ANKRD28: variants seen among roughly 807,000 people sequenced by gnomAD.
ANKRD28 encodes serine/threonine-protein phosphatase 6 regulatory ankyrin repeat subunit A.
Under a neutral mutation model 126.5 loss-of-function variants are expected in ANKRD28, and 44 were observed. That is an observed-to-expected ratio of 0.35 (90% CI 0.27 to 0.45). The LOEUF (loss-of-function observed/expected upper bound fraction) is 0.45, where lower values mean the gene tolerates loss of function less well. ANKRD28 is among the 20% of genes least tolerant of loss of function. ANKRD28 has a pLI of 1.00. For missense variants in ANKRD28, 1,110 were observed against 1,316.6 expected (o/e 0.84, Z 2.43); for synonymous variants, 442 against 468.5 (o/e 0.94, Z 0.73).
At chr3:15,795,577 C>T (rs1033554796) in intron 1 of ANKRD28, among the ~76,000 whole-genome samples, 2 of 152,006 alleles carry the variant, frequency 1.3e-5, no homozygotes, top group African/African-American at 4.8e-5. Context: ...TAAGTAGAAG[C>T]CTTTTGTTTC....
rs892682749 is a variant in ANKRD28 at position 15,669,028 on chromosome 3, C to G, written c.*1242G>C. On this transcript the variant is annotated 3_prime_UTR_variant, in exon 28 of 28. Coordinates refer to ENST00000683139, the MANE Select transcript of ANKRD28 (RefSeq NM_001349278.2). ...ATATCAGCCTTCTCTCTCTCTTTTG[C>G]TATTTGAAAGGTAGTCTTCAATTTG... 5.2e-5 allele frequency: 8 copies of G among 152,508 alleles called. No individual in the cohort carries two copies. The highest frequency in any genetic ancestry group is 1.7e-4 in the African/African-American group (7 of 41,434). 9.4% of individuals were successfully genotyped at this position (152,508 alleles called of 1,614,324 possible).
intron 1 of ANKRD28, among the ~76,000 whole-genome samples, chr3:15,824,727 G>C (rs888082863): frequency 3.3e-5 from 5 of 152,224 alleles, no homozygotes; most frequent in Non-Finnish European, 5.9e-5. Flanking sequence ...TTGGTGTGCT[G>C]AGTGTGTGCA....
chr3:15,695,261 T>C lies in ANKRD28; in HGVS notation c.1660-47A>G, dbSNP rs368951171. The stretch of plus-strand genomic sequence containing the variant: ...AAATATTTAGCTTGGGAAGTATTCA[T>C]CTATATTAAGTCTCAACTTATATAG... On this transcript the variant is annotated intron_variant, in intron 15 of 27. Transcript: ENST00000683139. 9.7e-5 allele frequency: 136 copies of C among 1,396,106 alleles called. No homozygotes were observed. In the African/African-American group the frequency reaches 1.7e-3, roughly 18 times the overall value. 86.5% of individuals were successfully genotyped at this position (1,396,106 alleles called of 1,614,324 possible).
intron 27 of ANKRD28, among the ~76,000 whole-genome samples, chr3:15,674,137 A>G (rs571330678): frequency 1.0e-4 from 13 of 128,366 alleles, no homozygotes; most frequent in Non-Finnish European, 1.7e-4. Context: ...TCACCACTGT[A>G]CTCTAGTCTG....
At chr3:15,822,098 C>T (rs929852651) in intron 1 of ANKRD28, among the ~76,000 whole-genome samples, 10 of 152,164 alleles carry the variant, frequency 6.6e-5, no homozygotes, top group Non-Finnish European at 1.3e-4. Flanking sequence ...AGGCCACATG[C>T]GTGTCCAGGA....
intron 2 of ANKRD28, among the ~76,000 whole-genome samples, chr3:15,777,271 CA>C (rs148444429): frequency 0.043 from 4,786 of 111,386 alleles, 170 homozygotes; most frequent in African/African-American, 0.15. Flanking sequence ...GACTCCGTCT[CA>C]AAAAAAAAAA....
chr3:15,690,894 C>T (rs1482828436), intron 17 of ANKRD28, among the ~76,000 whole-genome samples: 2 of 152,084 alleles, frequency 1.3e-5, no homozygotes, highest in Non-Finnish European at 2.9e-5. Flanking sequence ...AATCACAGTT[C>T]AGTGCTCCAC....
chr3:15,679,418 C>T (rs1345898204), intron 22 of ANKRD28, 34 bp from the exon 23 acceptor site: 3 of 1,612,842 alleles, frequency 1.9e-6, no homozygotes, highest in Non-Finnish European at 2.5e-6. Flanking sequence ...ATTCTCACAG[C>T]AATGGTGTAT....
chr3:15,811,990 T>C (rs1280687405), intron 1 of ANKRD28, among the ~76,000 whole-genome samples: 1 of 151,644 alleles, frequency 6.6e-6, no homozygotes, highest in African/African-American at 2.4e-5. Context: ...CTATCTTTAC[T>C]AAAAATAGAA....
intron 1 of ANKRD28, among the ~76,000 whole-genome samples, chr3:15,810,306 C>A (rs2060685594): frequency 6.6e-6 from 1 of 151,266 alleles, no homozygotes; most frequent in Admixed American, 6.6e-5. Context: ...GCTATCAATA[C>A]CATTGATAAG....
At position 15,675,901 on chromosome 3, in the gene ANKRD28, T is replaced by C; in HGVS notation, c.2962A>G (p.Asn988Asp). Residue 988 changes from asparagine (N) to aspartate (D), a missense_variant, in exon 27 of 28, where the codon AAT becomes GAT. By Grantham distance (23) the Asn-to-Asp change is conservative. Coordinates refer to ENST00000683139, the MANE Select transcript of ANKRD28 (RefSeq NM_001349278.2). ...AGAGAATATAGAACCAACTTACCAT[T>C]TTCATCTACTGCAAGCACACTTGCT... is the stretch of plus-strand genomic sequence containing the variant. The part of the protein sequence containing the change: ...KGASVLAVDE[N>D]GYTPALACAP... The C allele has an allele frequency of 6.2e-7, 1 of 1,607,102 alleles. No homozygotes were observed. Among genetic ancestry groups the C allele is most frequent in the African/African-American group, 1.3e-5 (1 of 74,894 alleles).
At position 15,770,309 on chromosome 3, in the gene ANKRD28, C is replaced by A. The variant is rs1021118598; in HGVS notation, c.202-3997G>T. Among the ~76,000 whole-genome samples, 3 of 151,916 alleles carry A rather than the reference C, an allele frequency of 2.0e-5. No homozygotes were observed. In the East Asian group the frequency reaches 5.8e-4, roughly 29 times the overall value. On this transcript the variant is annotated intron_variant, in intron 2 of 27. Coordinates refer to ENST00000683139, the MANE Select transcript of ANKRD28 (RefSeq NM_001349278.2). ...AGTTTCAGATTATAATATGAAATAT[C>A]ATTAGCATTTATCAGAGCAATGTAA...
intron 8 of ANKRD28, among the ~76,000 whole-genome samples, chr3:15,716,695 C>A (rs978708983): frequency 6.6e-6 from 1 of 152,024 alleles, no homozygotes; most frequent in Non-Finnish European, 1.5e-5. Flanking sequence ...CAAAACAAAA[C>A]AAATAAAAAC....
rs766421080 is a variant in ANKRD28, at chr3:15,721,163, G to A, written c.784-36C>T. ...GGAAAAAAATGCGAATGTTAAAGTA[G>A]TTTTGCTAATTATCAATGTTGTGAG... On this transcript the variant is annotated intron_variant, in intron 7 of 27. Transcript: ENST00000683139. The A allele has an allele frequency of 2.6e-6, 4 of 1,566,194 alleles. No individual in the cohort carries two copies. In the Admixed American group the frequency reaches 7.2e-5, roughly 28 times the overall value.
chr3:15,739,203 G>A (rs564204849), intron 4 of ANKRD28, among the ~76,000 whole-genome samples: 15 of 152,288 alleles, frequency 9.8e-5, no homozygotes, highest in African/African-American at 3.6e-4. Flanking sequence ...ATGGGATTAA[G>A]AGATTAAAGT....
chr3:15,778,473 C>T (rs539268194), intron 2 of ANKRD28, among the ~76,000 whole-genome samples: 5 of 152,216 alleles, frequency 3.3e-5, no homozygotes, highest in African/African-American at 1.2e-4. Flanking sequence ...AGTTCTTTGT[C>T]CTTCTAAGAC....
chr3:15,834,398 C>T (rs1232002310), intron 1 of ANKRD28, among the ~76,000 whole-genome samples: 4 of 151,996 alleles, frequency 2.6e-5, no homozygotes, highest in Non-Finnish European at 5.9e-5. Flanking sequence ...CTATTTTGTT[C>T]CAGTAATATA....
chr3:15,707,601 T>C (rs944858523), intron 14 of ANKRD28, among the ~76,000 whole-genome samples: 2 of 152,186 alleles, frequency 1.3e-5, no homozygotes, highest in Non-Finnish European at 2.9e-5. Flanking sequence ...CCCCATGATA[T>C]AGTCACGGCT....
At chr3:15,679,135 C>CTTTTTT (rs71809219) in intron 23 of ANKRD28, among the ~76,000 whole-genome samples, 166 bp downstream of exon 23, 1 of 143,982 alleles carries the variant, frequency 6.9e-6, no homozygotes, top group Non-Finnish European at 1.5e-5. Context: ...TCATCATGCA[C>CTTTTTT]TTTTTTTTTT....
Sources: allele counts gnomAD v4.1 joint callset (sites outside exome capture counted in the v4.1 genomes callset), GRCh38; gene constraint gnomAD v4.1.1; transcripts MANE v1.5; gene names NCBI Gene and HGNC (gene_info 2026-07-23, HGNC 2026-07-21).